The following ACOXL variants were observed in gnomAD, a reference collection of about 807,000 sequenced individuals.
ACOXL encodes acyl-coenzyme A oxidase-like protein.
A neutral mutation model predicts 71.9 loss-of-function variants in ACOXL; 70 were observed. That is an observed-to-expected ratio of 0.97 (90% CI 0.80 to 1.19). The LOEUF (loss-of-function observed/expected upper bound fraction) is 1.19, where lower values mean the gene tolerates loss of function less well. ACOXL is among the 50% of genes most tolerant of loss of function. The pLI is 0.00. For missense variants in ACOXL, 703 were observed against 736.3 expected, an observed-to-expected ratio of 0.95 and a Z score of 0.52; for synonymous variants, 253 against 281.6, an observed-to-expected ratio of 0.90 and a Z score of 1.02.
intron 17 of ACOXL, among the ~76,000 whole-genome samples, chr2:111,106,094 T>C (rs2069525185): frequency 6.6e-6 from 1 of 152,186 alleles, no homozygotes; most frequent in African/African-American, 2.4e-5. Context: ...TTCAAGTACT[T>C]TTCTGCCCAG....
intron 10 of ACOXL, among the ~76,000 whole-genome samples, chr2:110,878,675 G>T (rs560586725): frequency 6.6e-6 from 1 of 152,118 alleles, no homozygotes; most frequent in East Asian, 1.9e-4. Context: ...TGAGGCAGGA[G>T]AATCCCTTGA....
chr2:110,951,812 G>T (rs1311730393), intron 12 of ACOXL, among the ~76,000 whole-genome samples: 1 of 152,136 alleles, frequency 6.6e-6, no homozygotes, highest in African/African-American at 2.4e-5. Context: ...AACAAATCTT[G>T]AGTTTCAGGA....
rs181912736 is a variant in ACOXL, at chr2:110,788,509, T to C, written c.159+3694T>C. On this transcript the variant is annotated intron_variant, in intron 3 of 17. Coordinates refer to ENST00000439055, the MANE Select transcript of ACOXL (RefSeq NM_001142807.4). ...GGGGAGAATGGGAGTTATTGCTTAATGGGTACAGAGTTTTTTTTTGGGATG... is the reference window on the plus strand; with the variant it reads ...GGGGAGAATGGGAGTTATTGCTTAACGGGTACAGAGTTTTTTTTTGGGATG... 1.0e-3 allele frequency among the ~76,000 whole-genome samples: 159 copies of C among 152,240 alleles called. 1 individual carries two copies. The highest frequency in any genetic ancestry group is 3.7e-3 in the African/African-American group (152 of 41,550).
intron 1 of ACOXL, among the ~76,000 whole-genome samples, chr2:110,760,302 C>G (rs1680227794): frequency 6.6e-6 from 1 of 151,966 alleles, no homozygotes; most frequent in Non-Finnish European, 1.5e-5. Context: ...GCCACCACGC[C>G]TGGCTAATTT....
intron 10 of ACOXL, chr2:110,888,112 A>G (rs772617350): frequency 6.6e-6 from 1 of 152,162 alleles, no homozygotes; most frequent in Non-Finnish European, 1.5e-5. Context: ...AGTCAATACA[A>G]TCTCAGGCAT....
chr2:110,736,872 G>A (rs1195497697), intron 1 of ACOXL, among the ~76,000 whole-genome samples: 1 of 152,068 alleles, frequency 6.6e-6, no homozygotes, highest in South Asian at 2.1e-4. Context: ...TGCCCGCCTC[G>A]GCCTCCCAAA....
intron 9 of ACOXL, among the ~76,000 whole-genome samples, chr2:110,830,499 C>G (rs1229199183): frequency 6.6e-6 from 1 of 151,698 alleles, no homozygotes; most frequent in Non-Finnish European, 1.5e-5. Context: ...TTCTATATTC[C>G]TGGTAGAAGG....
chr2:110,767,520 A>T (rs1177118295), intron 1 of ACOXL, among the ~76,000 whole-genome samples: 3 of 152,178 alleles, frequency 2.0e-5, no homozygotes, highest in Non-Finnish European at 4.4e-5. Flanking sequence ...TGACTCTAGA[A>T]CCTTGTGAGG....
intron 2 of ACOXL, among the ~76,000 whole-genome samples, chr2:110,775,900 A>C (rs1422643951): frequency 6.6e-6 from 1 of 152,236 alleles, no homozygotes; most frequent in Non-Finnish European, 1.5e-5. Flanking sequence ...CAGAAATTCC[A>C]CTTCTTGGTA....
chr2:110,762,669 A>C (rs530290669), intron 1 of ACOXL, among the ~76,000 whole-genome samples: 4 of 152,016 alleles, frequency 2.6e-5, no homozygotes, highest in Non-Finnish European at 4.4e-5. Flanking sequence ...CTTTTTTAAA[A>C]ATTTGAGACA....
At chr2:110,915,428 A>ATATAT in intron 11 of ACOXL, among the ~76,000 whole-genome samples, 2 of 108,002 alleles carry the variant, frequency 1.9e-5, no homozygotes, top group Middle Eastern at 5.3e-3. Context: ...ATATATATAT[A>ATATAT]TTTTTTTTTT....
intron 10 of ACOXL, among the ~76,000 whole-genome samples, chr2:110,902,811 A>G (rs1296005546): frequency 6.6e-6 from 1 of 151,950 alleles, no homozygotes; most frequent in Admixed American, 6.5e-5. Context: ...TGGGCTGTGG[A>G]CTCTGTGAGA....
At chr2:110,853,214 A>G (rs1559346804) in intron 10 of ACOXL, among the ~76,000 whole-genome samples, 4 of 152,312 alleles carry the variant, frequency 2.6e-5, no homozygotes, top group East Asian at 1.9e-4. Context: ...TGGTTGTCCA[A>G]ACTTGGGGAG....
chr2:111,094,811 G>A (rs2068718808), intron 17 of ACOXL, among the ~76,000 whole-genome samples: 1 of 152,208 alleles, frequency 6.6e-6, no homozygotes, highest in African/African-American at 2.4e-5. Context: ...CTGGGGCTAA[G>A]GGTTCACAAA....
chr2:110,865,480 G>A (rs1230859119), intron 10 of ACOXL, among the ~76,000 whole-genome samples: 3 of 152,196 alleles, frequency 2.0e-5, no homozygotes, highest in African/African-American at 4.8e-5. Flanking sequence ...AGGATGTTTC[G>A]AAGGAGTGAT....
At chr2:110,979,117 G>A (rs540903153) in intron 12 of ACOXL, among the ~76,000 whole-genome samples, 21 of 152,268 alleles carry the variant, frequency 1.4e-4, no homozygotes, top group Non-Finnish European at 2.5e-4. Flanking sequence ...CCCTGCGCTA[G>A]GGAAGGTGGA....
intron 12 of ACOXL, among the ~76,000 whole-genome samples, chr2:110,982,862 C>T (rs2062773710): frequency 6.6e-6 from 1 of 152,132 alleles, no homozygotes; most frequent in Non-Finnish European, 1.5e-5. Flanking sequence ...GGTACAGGAC[C>T]CTGCCCTCAG....
chr2:110,994,008 T>C (rs1574419036), intron 13 of ACOXL, among the ~76,000 whole-genome samples: 1 of 152,232 alleles, frequency 6.6e-6, no homozygotes, highest in Admixed American at 6.5e-5. Flanking sequence ...CTGCACACTC[T>C]ACTGCACTGG....
In ACOXL at chr2:110,767,859, G is replaced by A. The variant is rs549234561; in HGVS notation, c.-22-509G>A. On this transcript the variant is annotated intron_variant, in intron 1 of 17. Transcript: ENST00000439055. ...CCAGCACTTTGGGAGGCCAAGGCGG[G>A]TGGATCACAAGGTCAGGAGTTTGAG... is the stretch of plus-strand genomic sequence containing the variant. Among the ~76,000 whole-genome samples the A allele has an allele frequency of 4.6e-5, 7 of 152,154 alleles. No individual in the cohort carries two copies. The East Asian group carries it at 1.4e-3, about 29-fold the overall frequency.
Sources: allele counts gnomAD v4.1 joint callset (sites outside exome capture counted in the v4.1 genomes callset), GRCh38; gene constraint gnomAD v4.1.1; transcripts MANE v1.5; gene names NCBI Gene and HGNC (gene_info 2026-07-23, HGNC 2026-07-21).